IDE: variants seen among roughly 807,000 people sequenced by gnomAD.
IDE encodes the protein insulin-degrading enzyme.
In IDE, 58 loss-of-function variants were observed where a neutral mutation model predicts 133.2. The observed-to-expected ratio is 0.44, with a 90% CI of 0.35 to 0.54. The LOEUF is 0.54. Among genes scored for constraint, IDE ranks in the 20% least tolerant of loss-of-function variants. The pLI, the probability that IDE is intolerant of heterozygous loss-of-function variation, is 0.00. For synonymous variants in IDE, 396 were observed against 421.3 expected (o/e 0.94, Z 0.73); for missense variants, 981 against 1,234.0 (o/e 0.79, Z 3.07).
In IDE at chr10:92,537,436, A is replaced by G; in HGVS notation, c.213T>C (p.Asn71=). 1.2e-6 allele frequency: 2 copies of G among 1,614,142 alleles called. No homozygotes were observed. Among genetic ancestry groups the G allele is most frequent in the Non-Finnish European group, 1.7e-6 (2 of 1,179,984 alleles). Residue 71 remains asparagine (N), a synonymous_variant, in exon 2 of 25, where the codon AAT becomes AAC. Coordinates refer to ENST00000265986, the MANE Select transcript of IDE (RefSeq NM_004969.4). ...KREYRGLELA[N]GIKVLLISDP... ...CACTGATAAGAAGTACTTTGATACC[A>G]TTGGCCAGCTCTAGCCCTCGATATT...
In IDE at chr10:92,506,454, T is replaced by C; in HGVS notation, c.1314A>G (p.Ala438=). ...ERPRGYTSKI[A]GILHYYPLEE... ...ACAACAAACTTACATGCAATATTCCTGCAATCTTAGATGTATAGCCCCGTG... is the reference window on the plus strand; with the variant it reads ...ACAACAAACTTACATGCAATATTCCCGCAATCTTAGATGTATAGCCCCGTG... Residue 438 remains alanine, a synonymous_variant, in exon 10 of 25, where the codon GCA becomes GCG. Coordinates refer to ENST00000265986, the MANE Select transcript of IDE (RefSeq NM_004969.4). 4 of 1,553,376 alleles carry C rather than the reference T, an allele frequency of 2.6e-6. No individual in the cohort carries two copies. The highest frequency in any genetic ancestry group is 1.7e-4 in the Middle Eastern group (1 of 5,938).
chr10:92,457,952 C>T (rs1845119099), intron 22 of IDE, among the ~76,000 whole-genome samples: 1 of 152,126 alleles, frequency 6.6e-6, no homozygotes, highest in Admixed American at 6.5e-5. Flanking sequence ...CATGTAGTAC[C>T]TCATCTAAGA....
intron 1 of IDE, among the ~76,000 whole-genome samples, chr10:92,564,276 A>C (rs1843414627): frequency 6.6e-6 from 1 of 152,162 alleles, no homozygotes; most frequent in African/African-American, 2.4e-5. Flanking sequence ...GCCTGGAGAA[A>C]ACTAGTTCAA....
At chr10:92,551,059 T>C (rs1426466977) in intron 1 of IDE, among the ~76,000 whole-genome samples, 2 of 152,122 alleles carry the variant, frequency 1.3e-5, no homozygotes, top group Non-Finnish European at 2.9e-5. Flanking sequence ...TCTGGATACA[T>C]ATACAAAAGA....
intron 17 of IDE, among the ~76,000 whole-genome samples, chr10:92,473,437 T>C (rs894812165): frequency 6.6e-6 from 1 of 151,878 alleles, no homozygotes; most frequent in East Asian, 1.9e-4. Context: ...CATAATATTA[T>C]ACTAGATACT....
chr10:92,531,206 T>G (rs938485081), intron 4 of IDE, among the ~76,000 whole-genome samples: 3 of 152,194 alleles, frequency 2.0e-5, no homozygotes, highest in East Asian at 1.9e-4. Context: ...AAGGTACAAT[T>G]ATAAAGTCAA....
At chr10:92,460,660 G>C (rs1845328023) in intron 22 of IDE, among the ~76,000 whole-genome samples, 1 of 152,182 alleles carries the variant, frequency 6.6e-6, no homozygotes, top group African/African-American at 2.4e-5. Flanking sequence ...TGGCCCGCAG[G>C]CTGCAGGTTC....
intron 5 of IDE, among the ~76,000 whole-genome samples, chr10:92,512,052 C>T (rs1041162126): frequency 6.6e-6 from 1 of 152,190 alleles, no homozygotes; most frequent in African/African-American, 2.4e-5. Context: ...GTGAGCTCCC[C>T]AGACATCAGG....
intron 4 of IDE, among the ~76,000 whole-genome samples, chr10:92,520,568 T>C (rs1849169353): frequency 6.6e-6 from 1 of 152,228 alleles, no homozygotes; most frequent in Non-Finnish European, 1.5e-5. Context: ...TACCTATAGC[T>C]AGTTACTTGG....
In IDE at chr10:92,508,641, C is replaced by A. The variant is rs1217609523; in HGVS notation, c.1060+87G>T. On this transcript the variant is annotated intron_variant, in intron 7 of 24. Transcript: ENST00000265986. ...CAAAATGGTCACATCTAACAATGTT[C>A]CTTCATAGGACACTATTCAGGAGAA... 3 of 1,237,030 alleles carry A rather than the reference C, an allele frequency of 2.4e-6. No homozygotes were observed. The East Asian group carries it at 7.0e-5, about 29-fold the overall frequency. The allele number at this position is 1,237,030 out of a possible 1,614,324, so 76.6% of individuals were successfully genotyped here.
intron 4 of IDE, among the ~76,000 whole-genome samples, chr10:92,530,601 T>A (rs892999808): frequency 1.1e-4 from 17 of 152,216 alleles, no homozygotes; most frequent in Non-Finnish European, 2.4e-4. Flanking sequence ...ATTTGTTTTT[T>A]AAAACTCACA....
At chr10:92,459,681 C>A (rs1010986481) in intron 22 of IDE, among the ~76,000 whole-genome samples, 2 of 152,098 alleles carry the variant, frequency 1.3e-5, no homozygotes, top group Non-Finnish European at 2.9e-5. Flanking sequence ...ATATGTAACA[C>A]TTTAGGTGCA....
At chr10:92,560,480 C>CAA (rs1843222506) in intron 1 of IDE, among the ~76,000 whole-genome samples, 1 of 152,148 alleles carries the variant, frequency 6.6e-6, no homozygotes, top group African/African-American at 2.4e-5. Flanking sequence ...TCAAGAGATG[C>CAA]CTCAAAGGTT....
intron 2 of IDE, among the ~76,000 whole-genome samples, chr10:92,535,156 T>C (rs925181055): frequency 4.6e-5 from 7 of 152,144 alleles, no homozygotes; most frequent in African/African-American, 1.4e-4. Context: ...CAGGCTGGAG[T>C]GCAGTGGCGA....
chr10:92,506,847 G>A (rs1371892412), intron 9 of IDE, among the ~76,000 whole-genome samples: 1 of 152,100 alleles, frequency 6.6e-6, no homozygotes, highest in East Asian at 1.9e-4. Flanking sequence ...GAAAAACTGT[G>A]TGAAAGAACC....
chr10:92,454,515 C>T lies in IDE; in HGVS notation c.2989G>A (p.Glu997Lys), dbSNP rs761216206. 11 of 1,613,734 alleles carry T rather than the reference C, an allele frequency of 6.8e-6. No individual in the cohort carries two copies. Among genetic ancestry groups the T allele is most frequent in the Admixed American group, 3.3e-5 (2 of 60,028 alleles). Reference sequence around the variant, plus strand: ...AACAGTGGCAGACCACGCTTGAATTCGGTCATGTTCTGAATCACTTCAGGC... The same window carrying T: ...AACAGTGGCAGACCACGCTTGAATTTGGTCATGTTCTGAATCACTTCAGGC... ...PQPEVIQNMT[E>K]FKRGLPLFPL... Residue 997 changes from glutamate to lysine, a missense_variant, in exon 25 of 25, where the codon GAA becomes AAA. By Grantham distance (56) the Glu-to-Lys change is moderately conservative. Coordinates refer to ENST00000265986, the MANE Select transcript of IDE (RefSeq NM_004969.4).
At chr10:92,545,540 T>C (rs1842501864) in intron 1 of IDE, among the ~76,000 whole-genome samples, 1 of 152,222 alleles carries the variant, frequency 6.6e-6, no homozygotes, top group Non-Finnish European at 1.5e-5. Context: ...ACCTCTGAGG[T>C]GAGCTGATAA....
At chr10:92,566,796 AC>A (rs891029442) in intron 1 of IDE, among the ~76,000 whole-genome samples, 1 of 151,982 alleles carries the variant, frequency 6.6e-6, no homozygotes, top group African/African-American at 2.4e-5. Context: ...GGGGATGACT[AC>A]CCCCCACCCA....
chr10:92,515,534 C>T (rs1259219686), intron 4 of IDE, among the ~76,000 whole-genome samples: 2 of 148,666 alleles, frequency 1.3e-5, no homozygotes, highest in East Asian at 2.1e-4. Context: ...GCTGGGATTA[C>T]AGGCATGAGC....
Sources: gnomAD v4.1 joint callset for allele counts (sites outside exome capture counted in the v4.1 genomes callset) on GRCh38, gnomAD v4.1.1 for gene constraint, MANE v1.5 for transcripts, NCBI Gene and HGNC (gene_info 2026-07-23, HGNC 2026-07-21) for gene names.